IQCK: variants seen among roughly 807,000 people sequenced by gnomAD.
The protein encoded by IQCK is IQ domain-containing protein K.
In IQCK, 29 loss-of-function variants were observed where a neutral mutation model predicts 28.1. That is an observed-to-expected ratio of 1.03 (90% confidence interval 0.77 to 1.41). The LOEUF (loss-of-function observed/expected upper bound fraction) is 1.41, where lower values mean the gene tolerates loss of function less well. IQCK is among the 40% of genes most tolerant of loss of function. The pLI is 0.00. For missense variants in IQCK, 359 were observed against 314.7 expected, an observed-to-expected ratio of 1.14 and a Z score of -1.07; for synonymous variants, 113 against 115.1, an observed-to-expected ratio of 0.98 and a Z score of 0.12.
At chr16:19,819,350 G>A (rs1178742936) in intron 7 of IQCK, among the ~76,000 whole-genome samples, 5 of 151,900 alleles carry the variant, frequency 3.3e-5, no homozygotes, top group Admixed American at 3.3e-4. Context: ...AAAATTAGCC[G>A]GTCATGGTGG....
chr16:19,747,356 G>A (rs1465829625), intron 4 of IQCK, among the ~76,000 whole-genome samples: 1 of 152,116 alleles, frequency 6.6e-6, no homozygotes, highest in Non-Finnish European at 1.5e-5. Context: ...AGGCAGGGTT[G>A]CTTCAATTCA....
At chr16:19,836,303 T>G (rs1299669117) in intron 9 of IQCK, among the ~76,000 whole-genome samples, 2 of 152,210 alleles carry the variant, frequency 1.3e-5, no homozygotes, top group African/African-American at 2.4e-5. Flanking sequence ...TGGCACTGCC[T>G]TCACCAATTC....
intron 2 of IQCK, 50 bp downstream of exon 2, chr16:19,730,544 T>C: frequency 1.5e-6 from 2 of 1,377,988 alleles, no homozygotes; most frequent in Non-Finnish European, 2.0e-6. Flanking sequence ...TAAATGAGAA[T>C]AGCATTGATG....
chr16:19,720,641 G>T (rs1014243489), intron 1 of IQCK, among the ~76,000 whole-genome samples: 17 of 152,142 alleles, frequency 1.1e-4, no homozygotes, highest in African/African-American at 4.1e-4. Flanking sequence ...GGTCAAATAG[G>T]CCTCTAGAGA....
chr16:19,842,641 C>T (rs2056374585), intron 9 of IQCK, among the ~76,000 whole-genome samples: 1 of 152,206 alleles, frequency 6.6e-6, no homozygotes, highest in South Asian at 2.1e-4. Flanking sequence ...TGGTTTGCTT[C>T]TTCCCTGACT....
intron 1 of IQCK, among the ~76,000 whole-genome samples, chr16:19,719,640 T>C (rs967654032): frequency 4.0e-5 from 6 of 151,366 alleles, no homozygotes; most frequent in African/African-American, 7.3e-5. Context: ...ATTAGTGCAA[T>C]TGAGTAACTG....
At chr16:19,808,375 C>A (rs77833760) in intron 7 of IQCK, among the ~76,000 whole-genome samples, 1 of 152,154 alleles carries the variant, frequency 6.6e-6, no homozygotes, top group Admixed American at 6.5e-5. Context: ...CAGTATGTGA[C>A]GAAAACTGAT....
At chr16:19,767,074 G>T (rs8044734) in intron 6 of IQCK, among the ~76,000 whole-genome samples, 2 of 152,164 alleles carry the variant, frequency 1.3e-5, no homozygotes, top group African/African-American at 2.4e-5. Context: ...TGCAACAGGG[G>T]GATGTGGCTC....
At chr16:19,804,719 G>A (rs2055812263) in intron 7 of IQCK, among the ~76,000 whole-genome samples, 1 of 152,134 alleles carries the variant, frequency 6.6e-6, no homozygotes, top group Admixed American at 6.5e-5. Flanking sequence ...GTGAGCCACT[G>A]CACCTGGCCA....
chr16:19,853,010 C>T (rs1317266577), intron 9 of IQCK, among the ~76,000 whole-genome samples: 5 of 152,136 alleles, frequency 3.3e-5, no homozygotes, highest in African/African-American at 7.2e-5. Context: ...GTCAAGTAGA[C>T]CACAATTGGT....
At chr16:19,840,047 T>C (rs1425902371) in intron 9 of IQCK, among the ~76,000 whole-genome samples, 3 of 146,992 alleles carry the variant, frequency 2.0e-5, no homozygotes, top group Non-Finnish European at 4.5e-5. Context: ...AAAAAAAAAT[T>C]AAGGGAAGAT....
chr16:19,856,559 G>A (rs1398692349), exon 10 of IQCK: 2 of 1,612,004 alleles, frequency 1.2e-6, no homozygotes, highest in Admixed American at 3.3e-5. Context: ...CCATAGCTAA[G>A]ACGTATCTTT....
intron 4 of IQCK, among the ~76,000 whole-genome samples, chr16:19,743,331 T>A (rs1363534159): frequency 6.6e-6 from 1 of 152,190 alleles, no homozygotes; most frequent in East Asian, 1.9e-4. Flanking sequence ...ATCTACTGCC[T>A]CTGGAGGGAG....
At chr16:19,777,492 G>C (rs1402789748) in intron 6 of IQCK, among the ~76,000 whole-genome samples, 1 of 152,208 alleles carries the variant, frequency 6.6e-6, no homozygotes, top group African/African-American at 2.4e-5. Context: ...TTGTCTTATA[G>C]AAGAGTAGAT....
chr16:19,856,048 T>C (rs2056555634), intron 9 of IQCK, among the ~76,000 whole-genome samples: 1 of 152,074 alleles, frequency 6.6e-6, no homozygotes, highest in Non-Finnish European at 1.5e-5. Context: ...GACCATGACA[T>C]AAGAGAAAAG....
chr16:19,798,424 ATAT>A (rs2055717139), intron 7 of IQCK, among the ~76,000 whole-genome samples: 1 of 115,724 alleles, frequency 8.6e-6, no homozygotes, highest in African/African-American at 7.6e-5. Context: ...CACAAAAAAT[ATAT>A]ATATATATAT....
chr16:19,837,491 T>G (rs1277366522), intron 9 of IQCK, among the ~76,000 whole-genome samples: 2 of 152,290 alleles, frequency 1.3e-5, no homozygotes. Context: ...GGGCAAGTTG[T>G]TAATCCTCTC....
At chr16:19,730,518 C>A in intron 2 of IQCK, 24 bp downstream of exon 2, 1 of 1,545,234 alleles carries the variant, frequency 6.5e-7, no homozygotes, top group Non-Finnish European at 8.8e-7. Flanking sequence ...AGGCCTCAAC[C>A]GAAGCAAGAA....
chr16:19,835,967 G>A (rs2056291573), intron 9 of IQCK, among the ~76,000 whole-genome samples: 1 of 152,068 alleles, frequency 6.6e-6, no homozygotes, highest in Non-Finnish European at 1.5e-5. Flanking sequence ...TTTAGACAGT[G>A]ATCACCATAC....
Sources: allele counts gnomAD v4.1 joint callset (sites outside exome capture counted in the v4.1 genomes callset), GRCh38; gene constraint gnomAD v4.1.1; transcripts MANE v1.5; gene names NCBI Gene and HGNC (gene_info 2026-07-23, HGNC 2026-07-21).